FCHO1: variants seen among roughly 807,000 people sequenced by gnomAD.
FCHO1 encodes F-BAR domain only protein 1.
In FCHO1, 45 loss-of-function variants were observed where a neutral mutation model predicts 114.4. The observed-to-expected ratio is 0.39, with a 90% CI of 0.31 to 0.50. The LOEUF (loss-of-function observed/expected upper bound fraction) is 0.50, where lower values mean the gene tolerates loss of function less well. FCHO1 is among the 20% of genes least tolerant of loss of function. FCHO1 has a pLI of 0.77. For synonymous variants in FCHO1, 480 were observed against 488.9 expected (o/e 0.98, Z 0.24); for missense variants, 1,042 against 1,209.6 (o/e 0.86, Z 2.06).
intron 26 of FCHO1, among the ~76,000 whole-genome samples, chr19:17,785,978 TA>T (rs112956011): frequency 0.015 from 2,230 of 146,972 alleles, 59 homozygotes; most frequent in African/African-American, 0.053. Context: ...AACAAAAATT[TA>T]AAAAAAAAAA....
At chr19:17,766,642 C>T (rs2089283166) in intron 6 of FCHO1, 27 bp from the exon 7 acceptor site, 4 of 1,613,598 alleles carry the variant, frequency 2.5e-6, no homozygotes, top group East Asian at 2.2e-5. Flanking sequence ...CCTGATGAAC[C>T]CTGGGTGTGA....
chr19:17,754,984 C>G, intron 3 of FCHO1, 134 bp from the exon 4 acceptor site: 1 of 691,338 alleles, frequency 1.4e-6, no homozygotes, highest in Non-Finnish European at 2.6e-6. Flanking sequence ...CTCAGGGGTC[C>G]TGGCATGCTC....
intron 23 of FCHO1, among the ~76,000 whole-genome samples, chr19:17,782,396 G>A (rs551382982): frequency 6.6e-6 from 1 of 152,012 alleles, no homozygotes; most frequent in Non-Finnish European, 1.5e-5. Context: ...TAGAGACAGG[G>A]TTTCACCATG....
At position 17,783,124 on chromosome 19, in the gene FCHO1, A is replaced by T. The variant is rs1490294238; in HGVS notation, c.2045A>T (p.His682Leu). Reference sequence around the variant, plus strand: ...CCTGTCCTCAGCTTCCGGCTTGTACACACAACCGCTATTGAGCACTTCCAG... The same window carrying T: ...CCTGTCCTCAGCTTCCGGCTTGTACTCACAACCGCTATTGAGCACTTCCAG... ...PPPVLSFRLV[H>L]TTAIEHFQPN... Residue 682 changes from histidine to leucine, a missense_variant, in exon 24 of 29, where the codon CAC becomes CTC. By Grantham distance (99) the His-to-Leu change is moderately conservative. This residue lies in a region of FCHO1 where 455 missense variants were observed against 455.4 expected (regional missense o/e 1.00). Transcript: ENST00000596536. 1 of 1,613,992 alleles carries T rather than the reference A, an allele frequency of 6.2e-7. No individual in the cohort carries two copies. The highest frequency in any genetic ancestry group is 8.5e-7 in the Non-Finnish European group (1 of 1,180,026).
intron 4 of FCHO1, among the ~76,000 whole-genome samples, chr19:17,758,214 CA>C (rs1048494633): frequency 1.8e-3 from 234 of 132,762 alleles, no homozygotes; most frequent in African/African-American, 4.0e-3. Flanking sequence ...GACTCCGTCT[CA>C]AAAAAAAAAA....
At chr19:17,785,768 A>G (rs1225076312) in intron 26 of FCHO1, among the ~76,000 whole-genome samples, 2 of 147,030 alleles carry the variant, frequency 1.4e-5, no homozygotes, top group Non-Finnish European at 3.0e-5. Context: ...CGGGAGGTGG[A>G]GGTTGCAGTG....
At position 17,766,825 on chromosome 19, in the gene FCHO1, C is replaced by T. The variant is rs1386097383; in HGVS notation, c.336+15C>T. ...CCCACAAGAAGGTGTGTGTCGTGGG[C>T]GCCGCCCAGCGGCTGGGTGGGTGTG... On this transcript the variant is annotated intron_variant, in intron 7 of 28. Transcript: ENST00000596536. 6.2e-7 allele frequency: 1 copy of T among 1,606,234 alleles called. No homozygotes were observed. Among genetic ancestry groups the T allele is most frequent in the Non-Finnish European group, 8.5e-7 (1 of 1,173,616 alleles).
At position 17,784,233 on chromosome 19, in the gene FCHO1, C is replaced by T; in HGVS notation, c.2224C>T (p.Gln742Ter). The change falls in exon 25 of 29, where the codon CAG becomes TAG. Residue 742 changes from glutamine (Q) to a stop codon, truncating the protein, a stop_gained and splice_region_variant. Transcript: ENST00000596536. LOFTEE classifies it high-confidence loss of function. This position sits in a 1 kb window ranked among gnomAD's most constrained non-coding sequence, Gnocchi z 5.3. ...SYYNVVLLRY[Q>*]FSRPGPQSVP... ...CTACAACGTGGTGCTGCTGCGATAC[C>T]AGGTGCGCCACCCGCATGGGGCCGG... 6.2e-7 allele frequency: 1 copy of T among 1,602,502 alleles called. No homozygotes were observed. The highest frequency in any genetic ancestry group is 8.5e-7 in the Non-Finnish European group (1 of 1,174,764).
At chr19:17,757,852 G>A (rs1485311768) in intron 4 of FCHO1, among the ~76,000 whole-genome samples, 1 of 141,120 alleles carries the variant, frequency 7.1e-6, no homozygotes, top group African/African-American at 2.6e-5. Context: ...GGAGGCAGAG[G>A]TTTCAGTGAG....
intron 9 of FCHO1, among the ~76,000 whole-genome samples, chr19:17,771,714 C>T (rs1325844775): frequency 1.3e-5 from 2 of 152,190 alleles, no homozygotes; most frequent in Admixed American, 6.5e-5. Context: ...AAAAAACTGA[C>T]AAGCTCAGGG....
intron 7 of FCHO1, among the ~76,000 whole-genome samples, chr19:17,768,951 C>A (rs1006531438): frequency 4.7e-5 from 7 of 148,520 alleles, no homozygotes; most frequent in African/African-American, 7.5e-5. Flanking sequence ...GAGTTAGAGA[C>A]CAGTTTGGGC....
At chr19:17,770,299 C>A in intron 7 of FCHO1, 126 bp from the exon 8 acceptor site, 1 of 965,936 alleles carries the variant, frequency 1.0e-6, no homozygotes, top group South Asian at 1.9e-5. Context: ...GAAACTCTGT[C>A]TAAAAAAAAC....
At chr19:17,786,744 T>C (rs1051570904) in intron 27 of FCHO1, 115 bp downstream of exon 27, 34 of 1,145,416 alleles carry the variant, frequency 3.0e-5, no homozygotes, top group Non-Finnish European at 4.1e-5. Context: ...GTATGGGCAT[T>C]GAGGAAGTCT....
chr19:17,761,633 C>CACACATATATATATAT (rs143184093), intron 4 of FCHO1, among the ~76,000 whole-genome samples: 1 of 142,680 alleles, frequency 7.0e-6, no homozygotes, highest in African/African-American at 2.6e-5. Context: ...CATGTATATA[C>CACACATATATATATAT]ATATATATAT....
intron 18 of FCHO1, among the ~76,000 whole-genome samples, chr19:17,777,806 AAGC>A (rs1296377265): frequency 6.6e-6 from 1 of 152,140 alleles, no homozygotes; most frequent in Non-Finnish European, 1.5e-5. Flanking sequence ...GCACTGGCCA[AAGC>A]AGCCAGATCA....
intron 19 of FCHO1, 29 bp from the exon 20 acceptor site, chr19:17,778,580 G>T: frequency 6.6e-7 from 1 of 1,505,160 alleles, no homozygotes. Flanking sequence ...GGCGAGGGTC[G>T]GAGCTGACCG....
At chr19:17,758,967 C>T (rs1209855940) in intron 4 of FCHO1, among the ~76,000 whole-genome samples, 1 of 152,032 alleles carries the variant, frequency 6.6e-6, no homozygotes, top group Non-Finnish European at 1.5e-5. Flanking sequence ...GAGCGAGACC[C>T]TGTCTCAAAC....
At chr19:17,766,348 G>A (rs144779479) in intron 6 of FCHO1, among the ~76,000 whole-genome samples, 24 of 151,944 alleles carry the variant, frequency 1.6e-4, no homozygotes, top group African/African-American at 5.6e-4. Context: ...ATGTTGCTCA[G>A]GCTGGTCTGG....
intron 6 of FCHO1, among the ~76,000 whole-genome samples, chr19:17,765,681 A>C (rs964596185): frequency 1.3e-5 from 2 of 151,856 alleles, no homozygotes; most frequent in South Asian, 2.1e-4. Context: ...TCAAAAAAAA[A>C]CAAAAATAAA....
Sources: gnomAD v4.1 joint callset for allele counts (sites outside exome capture counted in the v4.1 genomes callset) on GRCh38, gnomAD v4.1.1 for gene constraint, gnomAD v4.1.1 regional missense constraint, Gnocchi (gnomAD v3.1) non-coding constraint, MANE v1.5 for transcripts, NCBI Gene and HGNC (gene_info 2026-07-23, HGNC 2026-07-21) for gene names.